Variants in POFUT3 observed in about 807,000 individuals in gnomAD.
The protein encoded by POFUT3 is protein O-fucosyltransferase 3.
At chr8:33,429,544 T>G in the POFUT3 span, among the ~76,000 whole-genome samples, 2 of 152,168 alleles carry the variant, frequency 1.3e-5, no homozygotes, top group Non-Finnish European at 2.9e-5. Flanking sequence ...ATGTACTTTC[T>G]ATAATTCATG....
At chr8:33,379,563 C>T in the POFUT3 span, among the ~76,000 whole-genome samples, 14 of 152,032 alleles carry the variant, frequency 9.2e-5, no homozygotes, top group East Asian at 9.7e-4. Context: ...AAAGGCTGGG[C>T]GCAGTGGCTC....
chr8:33,404,849 C>T, the POFUT3 span, among the ~76,000 whole-genome samples: 342 of 152,126 alleles, frequency 2.2e-3, 2 homozygotes, highest in African/African-American at 8.0e-3. Flanking sequence ...ACTACACTTG[C>T]GCCCCATAAA....
chr8:33,446,815 TC>T, the POFUT3 span, among the ~76,000 whole-genome samples: 1 of 152,156 alleles, frequency 6.6e-6, no homozygotes, highest in Non-Finnish European at 1.5e-5. Flanking sequence ...TTTTACTGAT[TC>T]TTTGTGAACT....
At chr8:33,437,595 G>A in the POFUT3 span, among the ~76,000 whole-genome samples, 1 of 152,158 alleles carries the variant, frequency 6.6e-6, no homozygotes. Context: ...AGGATCACTT[G>A]AGGTCAGGAG....
the POFUT3 span, among the ~76,000 whole-genome samples, chr8:33,310,310 A>T: frequency 6.6e-6 from 1 of 152,200 alleles, no homozygotes; most frequent in Non-Finnish European, 1.5e-5. Context: ...TCAAAAACAA[A>T]ATAAGGATTT....
chr8:33,436,669 C>A, the POFUT3 span: 7 of 838,388 alleles, frequency 8.3e-6, no homozygotes, highest in Admixed American at 1.3e-4. Flanking sequence ...TGTAGCCTCC[C>A]AGGGCACGTT....
the POFUT3 span, among the ~76,000 whole-genome samples, chr8:33,379,252 A>C: frequency 6.6e-6 from 1 of 152,104 alleles, no homozygotes; most frequent in Non-Finnish European, 1.5e-5. Context: ...CTTTATAAGC[A>C]GTGGGAAAAT....
At chr8:33,426,218 T>C in the POFUT3 span, among the ~76,000 whole-genome samples, 2 of 152,276 alleles carry the variant, frequency 1.3e-5, no homozygotes, top group Non-Finnish European at 2.9e-5. Context: ...AGATCACTTC[T>C]TAAAGAGATT....
the POFUT3 span, among the ~76,000 whole-genome samples, chr8:33,379,844 A>ATATATATATATATATATATAT: frequency 4.5e-5 from 2 of 44,942 alleles, no homozygotes; most frequent in African/African-American, 1.2e-4. Flanking sequence ...TAAAAAAAAA[A>ATATATATATATATATATATAT]AAATATATAT....
the POFUT3 span, among the ~76,000 whole-genome samples, chr8:33,352,520 TC>T: frequency 6.6e-6 from 1 of 152,180 alleles, no homozygotes; most frequent in South Asian, 2.1e-4. Flanking sequence ...TATTTTTGAT[TC>T]TTTTTTTTTA....
the POFUT3 span, among the ~76,000 whole-genome samples, chr8:33,456,981 G>C: frequency 6.6e-6 from 1 of 151,864 alleles, no homozygotes; most frequent in Non-Finnish European, 1.5e-5. Flanking sequence ...ATGCTGGCCA[G>C]GATGGTCTCA....
chr8:33,438,354 G>T, the POFUT3 span, among the ~76,000 whole-genome samples: 1 of 152,222 alleles, frequency 6.6e-6, no homozygotes, highest in Non-Finnish European at 1.5e-5. Context: ...AAGGTAGGTG[G>T]ATCGTTTGAG....
At chr8:33,411,409 C>G in the POFUT3 span, among the ~76,000 whole-genome samples, 1 of 152,202 alleles carries the variant, frequency 6.6e-6, no homozygotes, top group Non-Finnish European at 1.5e-5. Context: ...TTGAATGCCT[C>G]TATCTCAAAA....
the POFUT3 span, among the ~76,000 whole-genome samples, chr8:33,434,938 A>T: frequency 1.3e-5 from 2 of 152,218 alleles, no homozygotes; most frequent in Admixed American, 6.5e-5. Flanking sequence ...CTAGTGGTGC[A>T]GATGCTGTCA....
At chr8:33,335,042 A>G in the POFUT3 span, among the ~76,000 whole-genome samples, 1 of 152,202 alleles carries the variant, frequency 6.6e-6, no homozygotes, top group South Asian at 2.1e-4. Context: ...CTAGCTGTAA[A>G]AGGAACTTTT....
At chr8:33,370,277 C>G in the POFUT3 span, among the ~76,000 whole-genome samples, 3 of 149,766 alleles carry the variant, frequency 2.0e-5, no homozygotes, top group African/African-American at 7.3e-5. Flanking sequence ...ATCGCTTGAA[C>G]CCAGGAGGTG....
chr8:33,346,121 G>C, the POFUT3 span, among the ~76,000 whole-genome samples: 2 of 150,432 alleles, frequency 1.3e-5, no homozygotes, highest in Non-Finnish European at 2.9e-5. Context: ...CACCGTGCCT[G>C]GCCCTACATT....
At chr8:33,381,767 A>G in the POFUT3 span, among the ~76,000 whole-genome samples, 1 of 152,306 alleles carries the variant, frequency 6.6e-6, no homozygotes, top group Non-Finnish European at 1.5e-5. Context: ...GCCAGTGATT[A>G]AGATGGCCTT....
the POFUT3 span, among the ~76,000 whole-genome samples, chr8:33,354,529 T>A: frequency 9.0e-4 from 137 of 152,338 alleles, no homozygotes; most frequent in African/African-American, 3.2e-3. Flanking sequence ...TCTTGGCCTT[T>A]TTGTTCTATC....
Sources: gnomAD v4.1 joint callset for allele counts (sites outside exome capture counted in the v4.1 genomes callset) on GRCh38, gnomAD v4.1.1 for gene constraint, MANE v1.5 for transcripts, NCBI Gene and HGNC (gene_info 2026-07-23, HGNC 2026-07-21) for gene names.